Variants in HLCS observed in about 807,000 individuals in gnomAD.
HLCS encodes the protein holocarboxylase synthetase, also known as biotin--protein ligase.
HLCS carries 53 observed loss-of-function variants against 75.0 expected under a neutral mutation model. That is an observed-to-expected ratio of 0.71 (90% CI 0.57 to 0.89). The LOEUF (loss-of-function observed/expected upper bound fraction) is 0.89. Among genes scored for constraint, HLCS ranks in the 40% least tolerant of loss-of-function variants. The pLI is 0.00. For missense variants in HLCS, 966 were observed against 1,074.0 expected, an observed-to-expected ratio of 0.90 and a Z score of 1.41; for synonymous variants, 431 against 428.6, an observed-to-expected ratio of 1.01 and a Z score of -0.07.
chr21:36,884,682 A>T (rs2064371421), intron 6 of HLCS, among the ~76,000 whole-genome samples: 1 of 152,194 alleles, frequency 6.6e-6, no homozygotes, highest in Non-Finnish European at 1.5e-5. Context: ...CTAACCCTAA[A>T]CCTTGCCTTA....
chr21:36,824,150 T>C (rs945036530), intron 6 of HLCS, among the ~76,000 whole-genome samples: 1 of 152,162 alleles, frequency 6.6e-6, no homozygotes, highest in African/African-American at 2.4e-5. Flanking sequence ...CATATGTTTA[T>C]TGCACCACTA....
intron 2 of HLCS, among the ~76,000 whole-genome samples, chr21:36,941,843 A>C (rs1273844154): frequency 6.6e-6 from 1 of 152,066 alleles, no homozygotes; most frequent in Non-Finnish European, 1.5e-5. Flanking sequence ...TGTCTCTACT[A>C]AAAAATACAA....
chr21:36,930,159 AC>A (rs1348831876), intron 5 of HLCS, 91 bp downstream of exon 5: 5 of 1,180,812 alleles, frequency 4.2e-6, no homozygotes, highest in African/African-American at 3.0e-5. Context: ...GAAAATCAAA[AC>A]CAACCAAAAT....
At chr21:36,792,080 G>C (rs1442890607) in intron 6 of HLCS, among the ~76,000 whole-genome samples, 1 of 152,054 alleles carries the variant, frequency 6.6e-6, no homozygotes, top group East Asian at 1.9e-4. Context: ...CTACCTGTCA[G>C]CGTTCACAGG....
chr21:36,832,393 A>C (rs933676908), intron 6 of HLCS, among the ~76,000 whole-genome samples: 1 of 152,168 alleles, frequency 6.6e-6, no homozygotes, highest in Non-Finnish European at 1.5e-5. Flanking sequence ...CACAACTCTG[A>C]AGCTTTTCTC....
upstream of HLCS, among the ~76,000 whole-genome samples, chr21:36,971,002 AAAAAG>A (rs2068772918): frequency 5.1e-5 from 7 of 136,690 alleles, no homozygotes; most frequent in Non-Finnish European, 4.9e-5. Context: ...TCAAAAAAAA[AAAAAG>A]AAAGAAAAGA....
chr21:36,912,772 C>G (rs1053610237), intron 5 of HLCS, among the ~76,000 whole-genome samples: 20 of 152,242 alleles, frequency 1.3e-4, no homozygotes, highest in African/African-American at 4.6e-4. Context: ...CCCCCAACCC[C>G]TGCCATCAAT....
rs1261869384 is a variant in HLCS, at chr21:36,749,170, A to G, written c.*5076T>C. On this transcript the variant is annotated 3_prime_UTR_variant, in exon 11 of 11. Coordinates refer to ENST00000674895, the MANE Select transcript of HLCS (RefSeq NM_001352514.2). The stretch of plus-strand genomic sequence containing the variant: ...ATAAAGCACCAGCAGTGTTTAAAAA[A>G]TGAGCTTCCATTAATTTTTACTTTT... 6.5e-6 allele frequency: 1 copy of G among 152,694 alleles called. No individual in the cohort carries two copies. The highest frequency in any genetic ancestry group is 1.5e-5 in the Non-Finnish European group (1 of 68,040). The allele number at this position is 152,694 out of a possible 1,614,324, so 9.5% of individuals were successfully genotyped here. A position where few individuals can be genotyped will look rare whatever the true frequency, so the allele number is the denominator to read the frequency against.
At chr21:36,863,727 G>A (rs1389265359) in intron 6 of HLCS, among the ~76,000 whole-genome samples, 1 of 152,208 alleles carries the variant, frequency 6.6e-6, no homozygotes, top group Non-Finnish European at 1.5e-5. Flanking sequence ...GCCTAAACTT[G>A]TTCAAGATTC....
intron 6 of HLCS, among the ~76,000 whole-genome samples, chr21:36,796,574 G>A (rs756881969): frequency 2.2e-4 from 34 of 152,286 alleles, no homozygotes; most frequent in Non-Finnish European, 3.5e-4. Context: ...AATCCAGGGC[G>A]TTGGGAGACT....
At chr21:36,787,862 T>C (rs3787751) in intron 6 of HLCS, among the ~76,000 whole-genome samples, 88,772 of 151,980 alleles carry the variant, frequency 0.58, 26,634 homozygotes, top group African/African-American at 0.71. Flanking sequence ...TACTGTTCCC[T>C]GGCTGATAAA....
chr21:36,923,402 G>A (rs554841027), intron 5 of HLCS, among the ~76,000 whole-genome samples: 2 of 152,230 alleles, frequency 1.3e-5, no homozygotes, highest in African/African-American at 4.8e-5. Context: ...ATAGACGGAG[G>A]AAAGAAAACC....
intron 6 of HLCS, among the ~76,000 whole-genome samples, chr21:36,838,216 C>T (rs546005986): frequency 1.4e-4 from 22 of 151,978 alleles, no homozygotes; most frequent in African/African-American, 2.7e-4. Flanking sequence ...CATTCCCTTG[C>T]CCTCTTGCCC....
chr21:36,954,634 T>C (rs1490076650), intron 2 of HLCS, among the ~76,000 whole-genome samples: 1 of 152,038 alleles, frequency 6.6e-6, no homozygotes, highest in African/African-American at 2.4e-5. Flanking sequence ...AAAAAAAGTA[T>C]AGCACAGACA....
intron 6 of HLCS, among the ~76,000 whole-genome samples, chr21:36,793,502 A>G (rs547161623): frequency 3.9e-5 from 6 of 152,018 alleles, no homozygotes; most frequent in African/African-American, 1.2e-4. Flanking sequence ...GAGTTTCTCC[A>G]TGTTGGCCAG....
intron 5 of HLCS, among the ~76,000 whole-genome samples, chr21:36,925,915 T>C (rs532056869): frequency 2.0e-5 from 3 of 152,322 alleles, no homozygotes; most frequent in South Asian, 2.1e-4. Flanking sequence ...TATAAAAGAA[T>C]TATGTTTTTT....
At chr21:36,782,494 G>C (rs569559317) in intron 6 of HLCS, among the ~76,000 whole-genome samples, 1 of 152,242 alleles carries the variant, frequency 6.6e-6, no homozygotes, top group South Asian at 2.1e-4. Context: ...AGACAAACAG[G>C]CTGGAGACCT....
chr21:36,949,093 C>A (rs1383680705), intron 2 of HLCS, among the ~76,000 whole-genome samples: 7 of 152,170 alleles, frequency 4.6e-5, no homozygotes, highest in Admixed American at 1.3e-4. Context: ...CCCCCCATTC[C>A]ACTGATGTAA....
intron 5 of HLCS, among the ~76,000 whole-genome samples, chr21:36,901,245 A>C (rs1466205117): frequency 6.6e-6 from 1 of 152,086 alleles, no homozygotes; most frequent in Admixed American, 6.5e-5. Flanking sequence ...TCGGTCTCAA[A>C]ATTTTTTTTA....
Sources: allele counts gnomAD v4.1 joint callset (sites outside exome capture counted in the v4.1 genomes callset), GRCh38; gene constraint gnomAD v4.1.1; transcripts MANE v1.5; gene names NCBI Gene and HGNC (gene_info 2026-07-23, HGNC 2026-07-21).